VPS53: variants seen among roughly 807,000 people sequenced by gnomAD.
The protein encoded by VPS53 is vacuolar protein sorting-associated protein 53 homolog.
In VPS53, 70 loss-of-function variants were observed where a neutral mutation model predicts 107.0. That is an observed-to-expected ratio of 0.65 (90% CI 0.54 to 0.80). The LOEUF is 0.80. Ranked by LOEUF, VPS53 falls within the 30% of genes least tolerant of loss-of-function variation. VPS53 has a pLI of 0.00. For synonymous variants in VPS53, 409 were observed against 393.3 expected (o/e 1.04, Z -0.47); for missense variants, 917 against 1,049.4 (o/e 0.87, Z 1.74).
chr17:704,683 A>C (rs1030387930), intron 2 of VPS53, among the ~76,000 whole-genome samples: 9 of 152,194 alleles, frequency 5.9e-5, no homozygotes, highest in Admixed American at 3.3e-4. Flanking sequence ...GTGACTGTAC[A>C]TTATCATATA....
intron 7 of VPS53, among the ~76,000 whole-genome samples, chr17:648,086 G>T (rs550981467): frequency 6.6e-6 from 1 of 152,212 alleles, no homozygotes; most frequent in Non-Finnish European, 1.5e-5. Context: ...TCCAAGCCTA[G>T]GAGATCAGCT....
Position 552,143 on chromosome 17 carries a change from C to G in VPS53, c.1788-193G>C, listed in dbSNP as rs12450578. 0.19 allele frequency among the ~76,000 whole-genome samples: 29,367 copies of G among 151,066 alleles called. 3,181 individuals carry two copies. The highest frequency in any genetic ancestry group is 0.29 in the Admixed American group (4,395 of 15,098). The stretch of plus-strand genomic sequence containing the variant: ...TTATCTGGGTGTGTCCTCACCCAGT[C>G]AGGATATAGAATCCCACGGTCAGTC... On this transcript the variant is annotated intron_variant, in intron 16 of 21. Transcript: ENST00000437048.
intron 7 of VPS53, among the ~76,000 whole-genome samples, chr17:645,541 T>C (rs888975184): frequency 6.6e-6 from 1 of 152,248 alleles, no homozygotes; most frequent in Non-Finnish European, 1.5e-5. Flanking sequence ...TTTCCTTTTG[T>C]TGCCTAGGAC....
chr17:657,194 CA>C lies in VPS53; in HGVS notation c.373-1242del, dbSNP rs1971229641. The C allele has an allele frequency of 2.6e-6, 4 of 1,526,970 alleles. No homozygotes were observed. In the South Asian group the frequency reaches 4.5e-5, roughly 17 times the overall value. 94.6% of individuals were successfully genotyped at this position (1,526,970 alleles called of 1,614,324 possible). A position where few individuals can be genotyped will look rare whatever the true frequency, so the allele number is the denominator to read the frequency against. Reference sequence around the variant, plus strand: ...AGATGAGGGATTCCTTTTGTGCCCACAAAGATTTTTCTCACTTTGCACAACT... The same window carrying C: ...AGATGAGGGATTCCTTTTGTGCCCACAAGATTTTTCTCACTTTGCACAACT... On this transcript the variant is annotated intron_variant, in intron 5 of 21. Coordinates refer to ENST00000437048, the MANE Select transcript of VPS53 (RefSeq NM_001128159.3).
intron 4 of VPS53, among the ~76,000 whole-genome samples, chr17:683,330 A>C (rs1456150576): frequency 6.6e-6 from 1 of 152,182 alleles, no homozygotes; most frequent in African/African-American, 2.4e-5. Flanking sequence ...TCTCAGAAAC[A>C]ATGCAAGCTA....
intron 13 of VPS53, among the ~76,000 whole-genome samples, chr17:565,931 C>T (rs1334500388): frequency 2.0e-5 from 3 of 152,136 alleles, no homozygotes; most frequent in South Asian, 2.1e-4. Context: ...CGGCCGGGCG[C>T]GGTGGCTCAC....
chr17:699,515 A>T, intron 2 of VPS53, 135 bp from the exon 3 acceptor site: 2 of 502,164 alleles, frequency 4.0e-6, no homozygotes, highest in South Asian at 6.1e-5. Flanking sequence ...TTTTGCTTTA[A>T]AAAAAAAAAA....
chr17:656,941 G>T, intron 5 of VPS53: 1 of 1,149,324 alleles, frequency 8.7e-7, no homozygotes, highest in Non-Finnish European at 1.3e-6. Context: ...CAAAGCTGTT[G>T]CCACTGGTGT....
intron 4 of VPS53, among the ~76,000 whole-genome samples, chr17:689,398 C>T (rs1039777251): frequency 9.2e-5 from 14 of 151,548 alleles, no homozygotes; most frequent in Non-Finnish European, 2.1e-4. Context: ...CCTGGGCTCA[C>T]GCAATCCTCC....
At chr17:601,106 C>T (rs1240394383) in intron 12 of VPS53, 1 of 152,202 alleles carries the variant, frequency 6.6e-6, no homozygotes, top group East Asian at 1.9e-4. Flanking sequence ...GTAAAATAAT[C>T]CTCCAGCAGC....
intron 16 of VPS53, 91 bp from the exon 17 acceptor site, chr17:552,041 A>G: frequency 8.1e-7 from 1 of 1,233,850 alleles, no homozygotes. Context: ...AATCAGATTC[A>G]TCATTTCACT....
chr17:644,658 A>G (rs1196721200), intron 7 of VPS53, among the ~76,000 whole-genome samples: 1 of 150,482 alleles, frequency 6.6e-6, no homozygotes, highest in East Asian at 2.0e-4. Context: ...GTCTCGGCTC[A>G]CTGCAGCCTC....
chr17:608,695 A>G (rs904008495), intron 11 of VPS53, among the ~76,000 whole-genome samples: 15 of 149,574 alleles, frequency 1.0e-4, no homozygotes, highest in African/African-American at 3.7e-4. Flanking sequence ...AGCTCACTGC[A>G]GTCTTGAACT....
intron 4 of VPS53, among the ~76,000 whole-genome samples, chr17:680,644 T>C (rs1240620636): frequency 6.6e-6 from 1 of 152,032 alleles, no homozygotes; most frequent in East Asian, 1.9e-4. Flanking sequence ...TCCTTAACAG[T>C]CAAAAGAATC....
chr17:709,209 G>A (rs990022813), intron 2 of VPS53, among the ~76,000 whole-genome samples: 2 of 126,010 alleles, frequency 1.6e-5, no homozygotes, highest in Non-Finnish European at 3.9e-5. Flanking sequence ...GAACCTGCCT[G>A]GTATCACGGC....
At chr17:694,897 G>A (rs1033280983) in intron 4 of VPS53, among the ~76,000 whole-genome samples, 4 of 152,118 alleles carry the variant, frequency 2.6e-5, no homozygotes, top group Non-Finnish European at 4.4e-5. Flanking sequence ...GTAGAGACGT[G>A]TATTGCTATG....
chr17:608,788 A>C (rs1040855358), intron 11 of VPS53, among the ~76,000 whole-genome samples: 1 of 151,590 alleles, frequency 6.6e-6, no homozygotes, highest in African/African-American at 2.4e-5. Context: ...GCTCATTTTA[A>C]AATTTTTTTT....
At position 548,517 on chromosome 17, in the gene VPS53, A is replaced by G. The variant is rs1394835052; in HGVS notation, c.1866+3355T>C. On this transcript the variant is annotated intron_variant, in intron 17 of 21. Coordinates refer to ENST00000437048, the MANE Select transcript of VPS53 (RefSeq NM_001128159.3). ...AACTACACTCCACTTTGGCCAGCCA[A>G]CAGTCCTTCTGGAATCATCCAACGA... is the stretch of plus-strand genomic sequence containing the variant. Among the ~76,000 whole-genome samples, 756 of 128,192 alleles carry G rather than the reference A, an allele frequency of 5.9e-3. 29 individuals carry two copies. Among genetic ancestry groups the G allele is most frequent in the Non-Finnish European group, 8.2e-3 (476 of 57,728 alleles). 84.1% of individuals were successfully genotyped at this position (128,192 alleles called of 152,430 possible).
At chr17:699,442 G>T in intron 2 of VPS53, 62 bp from the exon 3 acceptor site, 1 of 1,368,860 alleles carries the variant, frequency 7.3e-7, no homozygotes, top group Non-Finnish European at 9.8e-7. Flanking sequence ...CTCTTTCACA[G>T]GAAAATGATG....
Sources: gnomAD v4.1 joint callset for allele counts (sites outside exome capture counted in the v4.1 genomes callset) on GRCh38, gnomAD v4.1.1 for gene constraint, MANE v1.5 for transcripts, NCBI Gene and HGNC (gene_info 2026-07-23, HGNC 2026-07-21) for gene names.